The following WRAP73 variants were observed in gnomAD, a reference collection of about 807,000 sequenced individuals.
WRAP73 encodes WD repeat containing, antisense to TP73.
A neutral mutation model predicts 59.6 loss-of-function variants in WRAP73; 55 were observed. The ratio of observed to expected loss-of-function variants is 0.92; its 90% CI spans 0.74 to 1.15. The LOEUF (loss-of-function observed/expected upper bound fraction) is 1.15, where lower values mean the gene tolerates loss of function less well. Ranked by LOEUF, WRAP73 falls within the 50% of genes most tolerant of loss-of-function variation. WRAP73 has a pLI of 0.00. For synonymous variants in WRAP73, 265 were observed against 258.2 expected (o/e 1.03, Z -0.25); for missense variants, 592 against 608.1 (o/e 0.97, Z 0.28).
rs534713052 is a variant in WRAP73, at chr1:3,645,919, G to T, written c.339+747C>A. Among the ~76,000 whole-genome samples the T allele has an allele frequency of 2.2e-4, 34 of 152,250 alleles. No homozygotes were observed. In the South Asian group the frequency reaches 7.1e-3, roughly 32 times the overall value. ...GGCTCCTGAAGGAAAGGTGCGAGCC[G>T]GCTCATATCACAGCGCATTTTCTAT... On this transcript the variant is annotated intron_variant, in intron 3 of 11. Transcript: ENST00000270708.
At chr1:3,647,306 G>T in intron 2 of WRAP73, 102 bp downstream of exon 2, 1 of 1,290,384 alleles carries the variant, frequency 7.7e-7, no homozygotes, top group Non-Finnish European at 1.0e-6. Flanking sequence ...GCTTTGAGCT[G>T]CACGGACTTT....
intron 1 of WRAP73, 92 bp from the exon 2 acceptor site, chr1:3,647,652 G>A: frequency 7.0e-7 from 1 of 1,425,528 alleles, no homozygotes; most frequent in Non-Finnish European, 9.5e-7. Context: ...CAGTGACTGT[G>A]GCCTTCTCTC....
At chr1:3,634,906 A>G in intron 8 of WRAP73, 91 bp downstream of exon 8, 1 of 1,444,326 alleles carries the variant, frequency 6.9e-7, no homozygotes, top group Non-Finnish European at 9.7e-7. Context: ...GTTAAATAAT[A>G]AACCACAATC....
chr1:3,638,948 C>A, intron 3 of WRAP73, 126 bp from the exon 4 acceptor site: 1 of 930,690 alleles, frequency 1.1e-6, no homozygotes, highest in East Asian at 2.5e-5. Flanking sequence ...CTATCAGGAC[C>A]TGGGGGATGC....
At chr1:3,640,141 C>T (rs369386695) in intron 3 of WRAP73, among the ~76,000 whole-genome samples, 41 of 152,334 alleles carry the variant, frequency 2.7e-4, no homozygotes, top group African/African-American at 9.6e-4. Context: ...CCAGGGGTCA[C>T]GTGGCAGCAC....
intron 3 of WRAP73, among the ~76,000 whole-genome samples, chr1:3,642,114 G>A (rs745327154): frequency 6.6e-6 from 1 of 152,212 alleles, no homozygotes; most frequent in African/African-American, 2.4e-5. Flanking sequence ...AGAGCCGGGC[G>A]CACTGTTGTG....
At position 3,633,770 on chromosome 1, in the gene WRAP73, A is replaced by G. The variant is rs1570293789; in HGVS notation, c.817-267T>C. On this transcript the variant is annotated intron_variant, in intron 8 of 11. Transcript: ENST00000270708. Reference sequence around the variant, plus strand: ...GCCCTGTGATTACAGACGGGAGACCACTGCAGCCACCATCATCCAGCAAGG... The same window carrying G: ...GCCCTGTGATTACAGACGGGAGACCGCTGCAGCCACCATCATCCAGCAAGG... 16 of 408,510 alleles carry G rather than the reference A, an allele frequency of 3.9e-5. 1 individual carries two copies. The South Asian group carries it at 5.8e-4, about 15-fold the overall frequency. The allele number at this position is 408,510 out of a possible 1,614,324, so 25.3% of individuals were successfully genotyped here. A position where few individuals can be genotyped will look rare whatever the true frequency, so the allele number is the denominator to read the frequency against.
chr1:3,647,927 C>T (rs1644706521), intron 1 of WRAP73, among the ~76,000 whole-genome samples: 1 of 152,226 alleles, frequency 6.6e-6, no homozygotes, highest in African/African-American at 2.4e-5. Flanking sequence ...CCAAAATCCT[C>T]TGCTAGTTTT....
chr1:3,637,940 T>C (rs1644603501), intron 4 of WRAP73, among the ~76,000 whole-genome samples: 1 of 152,236 alleles, frequency 6.6e-6, no homozygotes, highest in Non-Finnish European at 1.5e-5. Flanking sequence ...CCAGAATTCA[T>C]CATTCCTGAG....
chr1:3,637,278 C>T (rs1283410519), intron 4 of WRAP73, among the ~76,000 whole-genome samples, 180 bp from the exon 5 acceptor site: 1 of 152,200 alleles, frequency 6.6e-6, no homozygotes, highest in Non-Finnish European at 1.5e-5. Flanking sequence ...GAGGAGAAAC[C>T]CAAGGCACGG....
chr1:3,646,717 G>A lies in WRAP73; in HGVS notation c.288C>T (p.Ala96=). 2 of 1,609,176 alleles carry A rather than the reference G, an allele frequency of 1.2e-6. No homozygotes were observed. Among genetic ancestry groups the A allele is most frequent in the Admixed American group, 1.7e-5 (1 of 59,636 alleles). The change falls in exon 3 of 12, where the codon GCC becomes GCT. Residue 96 remains alanine, a synonymous_variant. Transcript: ENST00000270708. This position sits in a 1 kb window ranked among gnomAD's most constrained non-coding sequence, Gnocchi z 5.1. ...KIDEGSAGLV[A]SCWSPDGRHI... is the part of the protein sequence containing the mutation. ...GGCGCCCGTCCGGGCTCCAGCACGA[G>A]GCCACCAGCCCGGCTGAGCCCTCGT...
Position 3,647,438 on chromosome 1 carries a change from C to G in WRAP73, c.192G>C (p.Leu64=). 6.2e-7 allele frequency: 1 copy of G among 1,613,768 alleles called. No homozygotes were observed. The highest frequency in any genetic ancestry group is 8.5e-7 in the Non-Finnish European group (1 of 1,179,884). ...IEWSADSLFI[L]CAMYKRGLVQ... ...CCAGCCCTCGCTTGTACATGGCGCA[C>G]AGGATGAAGAGCGAGTCTGCCGACC... is the stretch of plus-strand genomic sequence containing the variant. The change falls in exon 2 of 12, where the codon CTG becomes CTC. Residue 64 remains leucine (L), a synonymous_variant. Transcript: ENST00000270708.
chr1:3,635,481 G>A, intron 6 of WRAP73, 187 bp from the exon 7 acceptor site: 1 of 756,068 alleles, frequency 1.3e-6, no homozygotes, highest in Admixed American at 3.0e-5. Context: ...GTGAGAGCAT[G>A]AGGAAAAAGG....
At position 3,647,494 on chromosome 1, in the gene WRAP73, T is replaced by C. The variant is rs986166741; in HGVS notation, c.136A>G (p.Thr46Ala). Reference protein sequence around the residue: ...VNTLQILQLYTCLDQIQHIEW... With the variant: ...VNTLQILQLYACLDQIQHIEW... Reference sequence around the variant, plus strand: ...ATGTGCTGGATCTGGTCTAGGCACGTGTACAGCTGAAGGATCTGAAGGGTG... The same window carrying C: ...ATGTGCTGGATCTGGTCTAGGCACGCGTACAGCTGAAGGATCTGAAGGGTG... Residue 46 changes from threonine (T) to alanine (A), a missense_variant, in exon 2 of 12, where the codon ACG (threonine) becomes GCG (alanine). Physicochemically the swap from Thr to Ala is moderately conservative, Grantham distance 58. Coordinates refer to ENST00000270708, the MANE Select transcript of WRAP73 (RefSeq NM_017818.4). The C allele has an allele frequency of 1.2e-6, 2 of 1,613,998 alleles. No individual in the cohort carries two copies. Among genetic ancestry groups the C allele is most frequent in the African/African-American group, 1.3e-5 (1 of 75,032 alleles).
Position 3,632,317 on chromosome 1 carries a change from A to T in WRAP73, c.944T>A (p.Val315Asp), listed in dbSNP as rs759032292. ...ESKYEIASVPVSLQTLKPVTD... is the reference protein window; with the variant it reads ...ESKYEIASVPDSLQTLKPVTD... ...AACAGGTTTCAGTGTCTGTAAGGAGACTGGGACAGAGGCGATCTCATCTAG... is the reference window on the plus strand; with the variant it reads ...AACAGGTTTCAGTGTCTGTAAGGAGTCTGGGACAGAGGCGATCTCATCTAG... The change falls in exon 10 of 12, where the codon GTC becomes GAC. Residue 315 changes from valine to aspartate, a missense_variant. Physicochemically the swap from Val to Asp is radical, Grantham distance 152. Transcript: ENST00000270708. 6.2e-7 allele frequency: 1 copy of T among 1,614,142 alleles called. No individual in the cohort carries two copies. Among genetic ancestry groups the T allele is most frequent in the East Asian group, 2.2e-5 (1 of 44,886 alleles).
rs933224080 is a variant in WRAP73 at position 3,635,388 on chromosome 1, T to C, written c.604-94A>G. ...TGCTGCAGAGTGACATTGGTGCAGA[T>C]AGCACAAAGCTGGCAGGACTGTCCG... On this transcript the variant is annotated intron_variant, in intron 6 of 11. Transcript: ENST00000270708. 7.8e-6 allele frequency: 12 copies of C among 1,546,238 alleles called. No homozygotes were observed. In the East Asian group the frequency reaches 2.0e-4, roughly 26 times the overall value.
chr1:3,639,117 G>A lies in WRAP73; in HGVS notation c.340-295C>T, dbSNP rs146868918. On this transcript the variant is annotated intron_variant, in intron 3 of 11. Coordinates refer to ENST00000270708, the MANE Select transcript of WRAP73 (RefSeq NM_017818.4). This position sits in a 1 kb window ranked among gnomAD's most constrained non-coding sequence, Gnocchi z 4.3. ...AGCTTTTTCAAAGTGACCATAGGTT[G>A]CATGTTATAATAACCCTGAGTTACT... 4 of 378,950 alleles carry A rather than the reference G, an allele frequency of 1.1e-5. No homozygotes were observed. The highest frequency in any genetic ancestry group is 1.4e-5 in the Non-Finnish European group (3 of 208,710). The allele number at this position is 378,950 out of a possible 1,614,324, so 23.5% of individuals were successfully genotyped here. A position where few individuals can be genotyped will look rare whatever the true frequency, so the allele number is the denominator to read the frequency against.
rs565654846 is a variant in WRAP73 at position 3,645,865 on chromosome 1, C to T, written c.339+801G>A. 2.8e-4 allele frequency among the ~76,000 whole-genome samples: 43 copies of T among 152,172 alleles called. No homozygotes were observed. The East Asian group carries it at 7.5e-3, about 27-fold the overall frequency. On this transcript the variant is annotated intron_variant, in intron 3 of 11. Transcript: ENST00000270708. ...CTACAGCAGGTGAATGGGCGGCTGC[C>T]GACCGCCCCGAGCCACGCCCCCAGG...
rs1644692947 is a variant in WRAP73 at position 3,646,611 on chromosome 1, GAGAGC to G, written c.339+50_339+54del. ...CCCTCTCGCACTCCCCAGCTGTTTC[GAGAGC>G]AGAGGACAGGATCACATGGCCAGTA... On this transcript the variant is annotated intron_variant, in intron 3 of 11. Transcript: ENST00000270708. This position sits in a 1 kb window ranked among gnomAD's most constrained non-coding sequence, Gnocchi z 5.1. 5 of 1,465,820 alleles carry G rather than the reference GAGAGC, an allele frequency of 3.4e-6. No homozygotes were observed. Among genetic ancestry groups the G allele is most frequent in the African/African-American group, 1.4e-5 (1 of 70,778 alleles). 90.8% of individuals were successfully genotyped at this position (1,465,820 alleles called of 1,614,324 possible). A position where few individuals can be genotyped will look rare whatever the true frequency, so the allele number is the denominator to read the frequency against.
Sources: allele counts gnomAD v4.1 joint callset (sites outside exome capture counted in the v4.1 genomes callset), GRCh38; gene constraint gnomAD v4.1.1; non-coding constraint Gnocchi (gnomAD v3.1); transcripts MANE v1.5; gene names NCBI Gene and HGNC (gene_info 2026-07-23, HGNC 2026-07-21).